MED27: variants seen among roughly 807,000 people sequenced by gnomAD.
MED27 encodes mediator of RNA polymerase II transcription subunit 27.
In MED27, 30 loss-of-function variants were observed where a neutral mutation model predicts 38.2. The ratio of observed to expected loss-of-function variants is 0.79; its 90% CI spans 0.59 to 1.07. The LOEUF (loss-of-function observed/expected upper bound fraction) is 1.07, where lower values mean the gene tolerates loss of function less well. Ranked by LOEUF, MED27 falls within the 50% of genes least tolerant of loss-of-function variation. The pLI, the probability that MED27 is intolerant of heterozygous loss-of-function variation, is 0.00. For missense variants in MED27, 289 were observed against 397.5 expected (o/e 0.73, Z 2.32); for synonymous variants, 122 against 153.5 (o/e 0.79, Z 1.52).
chr9:131,922,204 A>G (rs1192230650), intron 4 of MED27, among the ~76,000 whole-genome samples: 1 of 151,878 alleles, frequency 6.6e-6, no homozygotes, highest in African/African-American at 2.4e-5. Flanking sequence ...AATAAAAATA[A>G]AAATAAAAAA....
chr9:131,981,734 G>C (rs1589248137), intron 3 of MED27, among the ~76,000 whole-genome samples: 1 of 152,352 alleles, frequency 6.6e-6, no homozygotes, highest in East Asian at 1.9e-4. Flanking sequence ...CTGTCACCCA[G>C]TCATCACACT....
At chr9:131,935,808 A>G (rs147898131) in intron 4 of MED27, among the ~76,000 whole-genome samples, 8 of 152,264 alleles carry the variant, frequency 5.3e-5, no homozygotes, top group Admixed American at 2.0e-4. Flanking sequence ...TTACATATAC[A>G]TTACATATAT....
intron 4 of MED27, among the ~76,000 whole-genome samples, chr9:131,903,068 T>A (rs1482400451): frequency 7.0e-6 from 1 of 142,960 alleles, no homozygotes; most frequent in Non-Finnish European, 1.5e-5. Flanking sequence ...GAGTGCTGGG[T>A]CAGTGGTGGC....
At chr9:131,947,641 G>C (rs764880951) in intron 3 of MED27, among the ~76,000 whole-genome samples, 1 of 151,756 alleles carries the variant, frequency 6.6e-6, no homozygotes, top group East Asian at 1.9e-4. Context: ...TTACTGGACA[G>C]ATGGCTTAGT....
chr9:131,901,501 C>T (rs1443565319), intron 4 of MED27, among the ~76,000 whole-genome samples: 1 of 152,150 alleles, frequency 6.6e-6, no homozygotes, highest in Non-Finnish European at 1.5e-5. Flanking sequence ...ACCTAAAGTG[C>T]TCTGCCACCT....
chr9:132,055,926 C>T (rs1564342933), intron 2 of MED27, among the ~76,000 whole-genome samples: 1 of 152,198 alleles, frequency 6.6e-6, no homozygotes, highest in East Asian at 1.9e-4. Flanking sequence ...CCCACAGAGG[C>T]AGCTGCCAGC....
rs77522969 is a variant in MED27 at position 132,027,393 on chromosome 9, G to A, written c.349-12926C>T. ...CAGCTTCTGGGATTCGGATTCTTCT[G>A]GGCTGCTTCTTCCAACTCCACCACA... On this transcript the variant is annotated intron_variant, in intron 2 of 7. Coordinates refer to ENST00000292035, the MANE Select transcript of MED27 (RefSeq NM_004269.4). Among the ~76,000 whole-genome samples the A allele has an allele frequency of 2.1e-3, 315 of 152,280 alleles. 1 individual carries two copies. The highest frequency in any genetic ancestry group is 7.4e-3 in the African/African-American group (307 of 41,552).
chr9:131,971,853 T>C (rs1047748622), intron 3 of MED27, among the ~76,000 whole-genome samples: 1 of 152,206 alleles, frequency 6.6e-6, no homozygotes, highest in Non-Finnish European at 1.5e-5. Flanking sequence ...GGAGTCTGCA[T>C]CTCTAAAAGG....
intron 3 of MED27, among the ~76,000 whole-genome samples, chr9:132,002,272 G>A (rs886741768): frequency 2.0e-5 from 3 of 152,160 alleles, no homozygotes; most frequent in African/African-American, 4.8e-5. Flanking sequence ...TAATGTCTCC[G>A]CAAGCTAGAA....
At chr9:131,882,573 G>C (rs1033106738) in intron 6 of MED27, among the ~76,000 whole-genome samples, 4 of 152,212 alleles carry the variant, frequency 2.6e-5, no homozygotes, top group African/African-American at 9.7e-5. Flanking sequence ...CCCCCTCTGT[G>C]TAAATCCCGT....
At chr9:132,062,109 G>A (rs762796262) in intron 2 of MED27, among the ~76,000 whole-genome samples, 13 of 152,118 alleles carry the variant, frequency 8.5e-5, no homozygotes, top group African/African-American at 1.9e-4. Flanking sequence ...TCAAAAATAC[G>A]CCCAATTAAA....
intron 4 of MED27, among the ~76,000 whole-genome samples, chr9:131,916,610 C>A (rs1265063803): frequency 6.6e-6 from 1 of 152,098 alleles, no homozygotes; most frequent in African/African-American, 2.4e-5. Context: ...GTCTCTTTGT[C>A]CTATAGAAAT....
chr9:131,910,287 A>G (rs1830164208), intron 4 of MED27, among the ~76,000 whole-genome samples: 4 of 152,296 alleles, frequency 2.6e-5, no homozygotes, highest in South Asian at 2.1e-4. Context: ...ATGTATTACT[A>G]TTATTACTGG....
At chr9:131,980,204 G>A (rs1232055195) in intron 3 of MED27, among the ~76,000 whole-genome samples, 2 of 151,778 alleles carry the variant, frequency 1.3e-5, no homozygotes, top group Admixed American at 6.6e-5. Flanking sequence ...AATGGGAGGC[G>A]GGTGGCGGGG....
At chr9:131,975,201 G>GTACATTTTCAAAAAAA (rs1831577325) in intron 3 of MED27, among the ~76,000 whole-genome samples, 1 of 152,114 alleles carries the variant, frequency 6.6e-6, no homozygotes, top group Non-Finnish European at 1.5e-5. Context: ...TTTTCAAAAG[G>GTACATTTTCAAAAAAA]AATGTATCTC....
chr9:131,919,504 G>C (rs892061050), intron 4 of MED27, among the ~76,000 whole-genome samples: 1 of 152,070 alleles, frequency 6.6e-6, no homozygotes, highest in Non-Finnish European at 1.5e-5. Flanking sequence ...AGTCAGACTG[G>C]GATCCAAATT....
chr9:131,930,505 T>C (rs1338160083), intron 4 of MED27, among the ~76,000 whole-genome samples: 2 of 152,180 alleles, frequency 1.3e-5, no homozygotes, highest in African/African-American at 4.8e-5. Context: ...CCTAGAATAG[T>C]ATATCCTATG....
intron 4 of MED27, among the ~76,000 whole-genome samples, chr9:131,903,539 G>A (rs575050501): frequency 1.4e-4 from 22 of 152,262 alleles, no homozygotes; most frequent in Non-Finnish European, 2.6e-4. Flanking sequence ...TTCAGATACT[G>A]CTTCTGCCAT....
intron 3 of MED27, among the ~76,000 whole-genome samples, chr9:131,945,118 T>G (rs976075330): frequency 6.8e-6 from 1 of 147,056 alleles, no homozygotes; most frequent in Non-Finnish European, 1.5e-5. Context: ...TATATATAAA[T>G]ATATAAAAAT....
Sources: allele counts gnomAD v4.1 joint callset (sites outside exome capture counted in the v4.1 genomes callset), GRCh38; gene constraint gnomAD v4.1.1; transcripts MANE v1.5; gene names NCBI Gene and HGNC (gene_info 2026-07-23, HGNC 2026-07-21).